Variants in ZNF674 observed in about 807,000 individuals in gnomAD.
ZNF674 encodes the protein zinc finger family member 674.
ZNF674 carries 2 observed loss-of-function variants against 7.0 expected under a neutral mutation model. The observed-to-expected ratio is 0.29, with a 90% CI of 0.12 to 0.90. The LOEUF is 0.90. Among genes scored for constraint, ZNF674 ranks in the 40% least tolerant of loss-of-function variants. The pLI, the probability that ZNF674 is intolerant of heterozygous loss-of-function variation, is 0.57. For missense variants in ZNF674, 297 were observed against 415.5 expected (o/e 0.71, Z 2.48); for synonymous variants, 103 against 145.2 (o/e 0.71, Z 2.09).
chrX:46,538,024 G>A (rs932557388), intron 3 of ZNF674, among the ~76,000 whole-genome samples: 1 of 110,622 alleles, frequency 9.0e-6, no homozygotes, highest in Admixed American at 9.7e-5. Context: ...GGGAGGCGGA[G>A]GTTGCAGTGA....
chrX:46,504,641 C>A (rs1941495782), intron 5 of ZNF674, among the ~76,000 whole-genome samples: 1 of 111,060 alleles, frequency 9.0e-6, no homozygotes, highest in Non-Finnish European at 1.9e-5. Flanking sequence ...CCGTGCCTGG[C>A]CAAGATTCCT....
At chrX:46,543,629 C>T (rs930672085) in intron 2 of ZNF674, among the ~76,000 whole-genome samples, 5 of 112,186 alleles carry the variant, frequency 4.5e-5, no homozygotes, top group African/African-American at 1.6e-4. Context: ...CACCCCACCA[C>T]TTCCTCCTTT....
intron 5 of ZNF674, among the ~76,000 whole-genome samples, chrX:46,526,213 C>CA (rs766063079): frequency 4.5e-4 from 50 of 112,125 alleles, no homozygotes; most frequent in African/African-American, 1.5e-3. Flanking sequence ...CTGATTTGAA[C>CA]ACTTAATGTT....
chrX:46,538,216 G>T (rs1196096435), intron 3 of ZNF674, among the ~76,000 whole-genome samples: 1 of 111,860 alleles, frequency 8.9e-6, no homozygotes, highest in Non-Finnish European at 1.9e-5. Flanking sequence ...TGATATAGAA[G>T]AGTCTTTGTT....
chrX:46,501,418 G>T lies in ZNF674; in HGVS notation c.239-83C>A, dbSNP rs1338060541. On this transcript the variant is annotated intron_variant, in intron 5 of 5. Coordinates refer to ENST00000683375, the MANE Select transcript of ZNF674 (RefSeq NM_001190417.2). ...ACTAATCCCTAAATGCCCAAGCAGT[G>T]AACTCCTATCAACATGACTTGAGCT... is the stretch of plus-strand genomic sequence containing the variant. 1.7e-5 allele frequency: 16 copies of T among 968,126 alleles called. No individual in the cohort carries two copies. In the East Asian group the frequency reaches 4.0e-4, roughly 24 times the overall value. 79.8% of individuals were successfully genotyped at this position (968,126 alleles called of 1,213,427 possible).
At chrX:46,521,246 A>C (rs1941906085) in intron 5 of ZNF674, among the ~76,000 whole-genome samples, 1 of 109,694 alleles carries the variant, frequency 9.1e-6, no homozygotes, top group Admixed American at 9.8e-5. Flanking sequence ...AAGGGACAGT[A>C]TGCTTGCAAT....
intron 3 of ZNF674, among the ~76,000 whole-genome samples, chrX:46,540,447 T>C (rs940849396): frequency 1.8e-5 from 2 of 111,993 alleles, no homozygotes; most frequent in Admixed American, 1.9e-4. Context: ...AGAATACTTT[T>C]ACATTTTGAC....
intron 5 of ZNF674, among the ~76,000 whole-genome samples, chrX:46,508,394 A>T (rs1941581300): frequency 8.9e-6 from 1 of 112,297 alleles, no homozygotes; most frequent in South Asian, 3.6e-4. Flanking sequence ...AAGAAAATCT[A>T]AGATCTATTT....
intron 5 of ZNF674, chrX:46,525,362 G>A: frequency 4.1e-6 from 1 of 242,155 alleles, no homozygotes; most frequent in Admixed American, 5.0e-5. Context: ...CAGCACTTTG[G>A]GAGGCCGAGG....
intron 5 of ZNF674, among the ~76,000 whole-genome samples, chrX:46,505,767 G>GACACACACACACACACACACAC (rs1194625808): frequency 7.8e-5 from 6 of 76,830 alleles, no homozygotes; most frequent in African/African-American, 2.7e-4. Flanking sequence ...GCAAAACTCT[G>GACACACACACACACACACACAC]TCACACACAC....
intron 3 of ZNF674, among the ~76,000 whole-genome samples, chrX:46,537,137 G>A (rs1181755377): frequency 9.0e-6 from 1 of 111,009 alleles, no homozygotes; most frequent in Non-Finnish European, 1.9e-5. Flanking sequence ...TGGGCCTGGT[G>A]GCGTGAGCCT....
At chrX:46,520,313 T>G (rs5952383) in intron 5 of ZNF674, among the ~76,000 whole-genome samples, 1 of 110,132 alleles carries the variant, frequency 9.1e-6, no homozygotes, top group Non-Finnish European at 1.9e-5. Context: ...ACAGGAGAAT[T>G]GCTTGAACCC....
intron 5 of ZNF674, among the ~76,000 whole-genome samples, chrX:46,519,257 G>A (rs1941844657): frequency 2.1e-4 from 13 of 62,514 alleles, no homozygotes; most frequent in African/African-American, 4.5e-4. Flanking sequence ...TAGATAGATA[G>A]ATAGATAAAG....
chrX:46,542,029 C>G (rs1382396176), intron 3 of ZNF674, 44 bp downstream of exon 3: 3 of 1,157,907 alleles, frequency 2.6e-6, no homozygotes, highest in Non-Finnish European at 3.5e-6. Context: ...CCAAACTTTG[C>G]CTCAATTTCA....
At chrX:46,541,361 C>CAAAAAAA (rs34440167) in intron 3 of ZNF674, among the ~76,000 whole-genome samples, 1 of 54,700 alleles carries the variant, frequency 1.8e-5, no homozygotes, top group African/African-American at 7.1e-5. Context: ...AACTCCGTCA[C>CAAAAAAA]AAAAAAAAAA....
intron 3 of ZNF674, among the ~76,000 whole-genome samples, chrX:46,536,055 G>A (rs1266137597): frequency 8.9e-6 from 1 of 112,342 alleles, no homozygotes; most frequent in Non-Finnish European, 1.9e-5. Flanking sequence ...AAAGGTATTT[G>A]TTTCTTACTT....
chrX:46,530,459 T>A (rs1203844404), intron 3 of ZNF674, among the ~76,000 whole-genome samples: 1 of 110,902 alleles, frequency 9.0e-6, no homozygotes, highest in African/African-American at 3.3e-5. Flanking sequence ...GCTTCGAGGA[T>A]CCCAGCAAAA....
chrX:46,515,668 GAACA>G (rs1224722068), intron 5 of ZNF674, among the ~76,000 whole-genome samples: 1 of 111,332 alleles, frequency 9.0e-6, no homozygotes, highest in Admixed American at 9.7e-5. Flanking sequence ...GGCTAGAGTA[GAACA>G]ATCATAGCTC....
chrX:46,505,768 T>TCACACACACACACACA (rs56158505), intron 5 of ZNF674, among the ~76,000 whole-genome samples: 1,120 of 100,218 alleles, frequency 0.011, 14 homozygotes, highest in African/African-American at 0.021. Context: ...CAAAACTCTG[T>TCACACACACACACACA]CACACACACA....
Sources: gnomAD v4.1 joint callset for allele counts (sites outside exome capture counted in the v4.1 genomes callset) on GRCh38, gnomAD v4.1.1 for gene constraint, MANE v1.5 for transcripts, NCBI Gene and HGNC (gene_info 2026-07-23, HGNC 2026-07-21) for gene names.